The following GRM7 variants were observed in gnomAD, a reference collection of about 807,000 sequenced individuals.
The protein encoded by GRM7 is glutamate metabotropic receptor 7.
Under a neutral mutation model 84.5 loss-of-function variants are expected in GRM7, and 35 were observed. The observed-to-expected ratio is 0.41, with a 90% confidence interval of 0.32 to 0.55. GRM7 has a LOEUF of 0.55. Among genes scored for constraint, GRM7 ranks in the 20% least tolerant of loss-of-function variants. The pLI is 0.19. For missense variants in GRM7, 1,003 were observed against 1,194.6 expected, an observed-to-expected ratio of 0.84 and a Z score of 2.36; for synonymous variants, 487 against 455.1, an observed-to-expected ratio of 1.07 and a Z score of -0.89.
chr3:7,693,613 G>C (rs765058261), intron 9 of GRM7: 66 of 1,473,458 alleles, frequency 4.5e-5, no homozygotes, highest in Non-Finnish European at 5.8e-5. Context: ...ACTGAGACTT[G>C]AGCTGTTGTT....
chr3:7,141,077 C>T (rs1466969410), intron 1 of GRM7, among the ~76,000 whole-genome samples: 1 of 151,924 alleles, frequency 6.6e-6, no homozygotes, highest in Non-Finnish European at 1.5e-5. Context: ...TTTAATTGCT[C>T]ACTGTTCAGA....
At chr3:7,532,715 G>T (rs1000083087) in intron 7 of GRM7, among the ~76,000 whole-genome samples, 1 of 149,482 alleles carries the variant, frequency 6.7e-6, no homozygotes, top group African/African-American at 2.5e-5. Context: ...GTGATGTTAG[G>T]GTGTCAATTT....
At chr3:7,038,132 C>G (rs1157250740) in intron 1 of GRM7, among the ~76,000 whole-genome samples, 1 of 152,144 alleles carries the variant, frequency 6.6e-6, no homozygotes, top group African/African-American at 2.4e-5. Flanking sequence ...CAGTGGAATC[C>G]TAGCTCCAAC....
At position 6,928,494 on chromosome 3, in the gene GRM7, T is replaced by G. The variant is rs933131066; in HGVS notation, c.519+66587T>G. 1.3e-5 allele frequency among the ~76,000 whole-genome samples: 2 copies of G among 152,180 alleles called. No homozygotes were observed. The highest frequency in any genetic ancestry group is 2.9e-5 in the Non-Finnish European group (2 of 68,030). ...TGCAAATGATAAATATTATTTATTATTAAGTATAATTAATAGTTGCCAAGC... is the reference window on the plus strand; with the variant it reads ...TGCAAATGATAAATATTATTTATTAGTAAGTATAATTAATAGTTGCCAAGC... On this transcript the variant is annotated intron_variant, in intron 1 of 9. Coordinates refer to ENST00000357716, the MANE Select transcript of GRM7 (RefSeq NM_000844.4). The surrounding 1 kb of genome is among the most constrained non-coding windows in gnomAD (Gnocchi z 4.5).
intron 1 of GRM7, among the ~76,000 whole-genome samples, chr3:6,999,701 G>C (rs1694944593): frequency 6.6e-6 from 1 of 152,174 alleles, no homozygotes; most frequent in African/African-American, 2.4e-5. Flanking sequence ...TCACGTGGCA[G>C]CAGCAAGGAG....
At chr3:7,032,928 A>C (rs1696240336) in intron 1 of GRM7, among the ~76,000 whole-genome samples, 1 of 152,116 alleles carries the variant, frequency 6.6e-6, no homozygotes, top group African/African-American at 2.4e-5. Flanking sequence ...TCTATGGTTT[A>C]TTAGTTCTCA....
chr3:7,135,441 A>G (rs1350161646), intron 1 of GRM7, among the ~76,000 whole-genome samples: 1 of 152,246 alleles, frequency 6.6e-6, no homozygotes, highest in East Asian at 1.9e-4. Context: ...TTAATTGCAC[A>G]TGATACTTTC....
chr3:7,320,124 T>C (rs901068244), intron 4 of GRM7, among the ~76,000 whole-genome samples: 3 of 151,964 alleles, frequency 2.0e-5, no homozygotes, highest in Non-Finnish European at 4.4e-5. Context: ...CAAAGAATTA[T>C]GTATGCATGG....
At chr3:7,193,522 C>G (rs973939104) in intron 2 of GRM7, among the ~76,000 whole-genome samples, 64 of 152,140 alleles carry the variant, frequency 4.2e-4, no homozygotes, top group African/African-American at 1.5e-3. Flanking sequence ...TTCCATTGTG[C>G]AAGTTCAAAA....
intron 1 of GRM7, among the ~76,000 whole-genome samples, chr3:7,016,672 T>C (rs1225353615): frequency 1.3e-5 from 2 of 152,338 alleles, no homozygotes; most frequent in African/African-American, 4.8e-5. Context: ...AGGATTAAAC[T>C]TGTGCATAAT....
intron 1 of GRM7, among the ~76,000 whole-genome samples, chr3:7,099,411 A>G (rs900365334): frequency 2.7e-5 from 4 of 148,822 alleles, no homozygotes; most frequent in Non-Finnish European, 6.0e-5. Flanking sequence ...TACATAATAC[A>G]TATTATGCAT....
chr3:7,254,623 G>A (rs1025173026), intron 2 of GRM7, among the ~76,000 whole-genome samples: 25 of 152,124 alleles, frequency 1.6e-4, no homozygotes, highest in African/African-American at 4.6e-4. Context: ...TAAAACTTTT[G>A]GAAGTTTTAC....
At chr3:7,175,536 C>T (rs945525431) in intron 2 of GRM7, among the ~76,000 whole-genome samples, 2 of 152,080 alleles carry the variant, frequency 1.3e-5, no homozygotes, top group Non-Finnish European at 2.9e-5. Flanking sequence ...TGAAAATTTG[C>T]TTTTTGTTTT....
intron 5 of GRM7, among the ~76,000 whole-genome samples, chr3:7,432,270 G>A (rs182848332): frequency 2.1e-4 from 32 of 152,256 alleles, no homozygotes; most frequent in African/African-American, 5.5e-4. Context: ...AGGAGTGAAC[G>A]CCAGTGTAAA....
At chr3:7,591,560 C>T (rs1015244415) in intron 8 of GRM7, 4 of 407,332 alleles carry the variant, frequency 9.8e-6, no homozygotes, top group African/African-American at 8.4e-5. Context: ...TTAGAAACTT[C>T]CTCAAAGATA....
chr3:7,678,481 G>A (rs570120078), intron 8 of GRM7, among the ~76,000 whole-genome samples: 1 of 152,262 alleles, frequency 6.6e-6, no homozygotes, highest in South Asian at 2.1e-4. Context: ...TGTCTATAAA[G>A]CCCTGTGACC....
chr3:7,627,048 T>C (rs1357801472), intron 8 of GRM7, among the ~76,000 whole-genome samples: 1 of 151,980 alleles, frequency 6.6e-6, no homozygotes, highest in African/African-American at 2.4e-5. Flanking sequence ...AATTCAGCCA[T>C]AATAAGGCTG....
intron 2 of GRM7, among the ~76,000 whole-genome samples, chr3:7,170,785 A>T (rs978078513): frequency 6.6e-6 from 1 of 152,146 alleles, no homozygotes; most frequent in Non-Finnish European, 1.5e-5. Flanking sequence ...ATATGGGAAA[A>T]AGATTGAGTT....
intron 1 of GRM7, among the ~76,000 whole-genome samples, chr3:7,013,380 C>A (rs1275079395): frequency 6.6e-6 from 1 of 152,212 alleles, no homozygotes; most frequent in South Asian, 2.1e-4. Flanking sequence ...CTCACTCCTC[C>A]CCTCTGCCTT....
Sources: allele counts gnomAD v4.1 joint callset (sites outside exome capture counted in the v4.1 genomes callset), GRCh38; gene constraint gnomAD v4.1.1; non-coding constraint Gnocchi (gnomAD v3.1); transcripts MANE v1.5; gene names NCBI Gene and HGNC (gene_info 2026-07-23, HGNC 2026-07-21).